RBFOX1: variants seen among roughly 807,000 people sequenced by gnomAD.
RBFOX1 encodes RNA binding fox-1 homolog 1.
A neutral mutation model predicts 57.7 loss-of-function variants in RBFOX1; 8 were observed. The ratio of observed to expected loss-of-function variants is 0.14; its 90% CI spans 0.08 to 0.25. RBFOX1 has a LOEUF of 0.25. Ranked by LOEUF, RBFOX1 falls within the 10% of genes least tolerant of loss-of-function variation. RBFOX1 has a pLI of 1.00. For synonymous variants in RBFOX1, 326 were observed against 222.4 expected (o/e 1.47, Z -4.15); for missense variants, 611 against 548.5 (o/e 1.11, Z -1.14).
chr16:6,737,955 A>G (rs2070868591), intron 3 of RBFOX1, among the ~76,000 whole-genome samples: 1 of 152,144 alleles, frequency 6.6e-6, no homozygotes, highest in African/African-American at 2.4e-5. Context: ...TTCCCAGCAC[A>G]ATGCTTGAGC....
intron 3 of RBFOX1, among the ~76,000 whole-genome samples, chr16:6,997,427 G>A (rs1316196672): frequency 6.6e-6 from 1 of 152,154 alleles, no homozygotes; most frequent in East Asian, 1.9e-4. Context: ...TGCTTGATCA[G>A]AGTTCATTTA....
intron 3 of RBFOX1, among the ~76,000 whole-genome samples, chr16:6,661,150 C>T (rs1937820774): frequency 6.6e-6 from 1 of 152,154 alleles, no homozygotes; most frequent in Admixed American, 6.5e-5. Flanking sequence ...CTGAATTTTC[C>T]TGTAATACCA....
intron 4 of RBFOX1, among the ~76,000 whole-genome samples, chr16:7,415,377 C>CT (rs1207574549): frequency 6.6e-6 from 1 of 152,286 alleles, no homozygotes; most frequent in Admixed American, 6.5e-5. Flanking sequence ...TAGAGGGTAG[C>CT]TCTGAGCCAG....
At chr16:6,537,728 T>C (rs1402202028) in intron 2 of RBFOX1, among the ~76,000 whole-genome samples, 1 of 152,160 alleles carries the variant, frequency 6.6e-6, no homozygotes, top group Non-Finnish European at 1.5e-5. Flanking sequence ...TTCCTTAAGG[T>C]TTTATAGCAG....
intron 1 of RBFOX1, among the ~76,000 whole-genome samples, chr16:5,284,101 T>G (rs1288184251): frequency 1.3e-5 from 2 of 151,988 alleles, no homozygotes; most frequent in Non-Finnish European, 2.9e-5. Flanking sequence ...AAGGGTAGTT[T>G]CCCTGCAGAA....
intron 1 of RBFOX1, among the ~76,000 whole-genome samples, chr16:6,246,783 T>C (rs143666513): frequency 5.5e-4 from 84 of 152,258 alleles, no homozygotes; most frequent in Middle Eastern, 3.4e-3. Flanking sequence ...TCCAGTCCAT[T>C]GTAGGCTGGG....
intron 3 of RBFOX1, among the ~76,000 whole-genome samples, chr16:6,680,270 CTCTCT>C (rs1201356716): frequency 2.8e-4 from 32 of 112,370 alleles, no homozygotes; most frequent in South Asian, 2.8e-3. Flanking sequence ...GCTTTTCTCT[CTCTCT>C]TTTTTTTTTT....
At chr16:5,343,741 A>G (rs1020215143) in intron 1 of RBFOX1, among the ~76,000 whole-genome samples, 1 of 152,236 alleles carries the variant, frequency 6.6e-6, no homozygotes, top group African/African-American at 2.4e-5. Context: ...CTATGTCCGT[A>G]TGTAACAATA....
intron 3 of RBFOX1, among the ~76,000 whole-genome samples, chr16:6,882,701 T>C (rs1603636207): frequency 6.6e-6 from 1 of 152,144 alleles, no homozygotes; most frequent in Admixed American, 6.5e-5. Flanking sequence ...ACCATTCAGT[T>C]TGGGATATTT....
chr16:6,881,283 G>T (rs1265527193), intron 3 of RBFOX1, among the ~76,000 whole-genome samples: 2 of 152,174 alleles, frequency 1.3e-5, no homozygotes, highest in Non-Finnish European at 2.9e-5. Flanking sequence ...GCAAAGGAAG[G>T]GGTAAAACCT....
intron 1 of RBFOX1, among the ~76,000 whole-genome samples, chr16:5,331,127 T>A (rs1190966268): frequency 1.3e-5 from 2 of 152,008 alleles, no homozygotes; most frequent in Non-Finnish European, 2.9e-5. Flanking sequence ...CCATGGAGCA[T>A]TTTTGGTCCG....
intron 2 of RBFOX1, among the ~76,000 whole-genome samples, chr16:6,568,854 C>T (rs1005712841): frequency 6.6e-5 from 10 of 152,086 alleles, no homozygotes; most frequent in East Asian, 3.9e-4. Flanking sequence ...CTGCAACCTC[C>T]GCCTCCTGGG....
chr16:7,047,214 C>G lies in RBFOX1; in HGVS notation c.-15-4843C>G, dbSNP rs76867153. ...CCTATTTCCTTTATCTGGAAAACTT[C>G]CTATAGCGATTATTTTAGGGCAGGT... On this transcript the variant is annotated intron_variant, in intron 3 of 15. Transcript: ENST00000550418. 5.0e-3 allele frequency among the ~76,000 whole-genome samples: 754 copies of G among 152,160 alleles called. 17 individuals carry two copies. In the East Asian group the frequency reaches 0.082, roughly 17 times the overall value.
At chr16:5,570,764 C>G (rs565241512) in intron 2 of RBFOX1, among the ~76,000 whole-genome samples, 1 of 150,158 alleles carries the variant, frequency 6.7e-6, no homozygotes, top group South Asian at 2.1e-4. Context: ...TGCTTGAACC[C>G]GGGAGATCGA....
At chr16:6,213,707 G>T (rs1231142635) in intron 1 of RBFOX1, among the ~76,000 whole-genome samples, 1 of 152,188 alleles carries the variant, frequency 6.6e-6, no homozygotes, top group Non-Finnish European at 1.5e-5. Flanking sequence ...CTGTGCTTAA[G>T]AGCAAAGCTG....
chr16:6,189,556 C>A (rs1208914495), intron 1 of RBFOX1, among the ~76,000 whole-genome samples: 1 of 152,192 alleles, frequency 6.6e-6, no homozygotes, highest in African/African-American at 2.4e-5. Flanking sequence ...ACTCAAACCA[C>A]AGGGACGTGG....
intron 4 of RBFOX1, among the ~76,000 whole-genome samples, chr16:7,085,997 T>G (rs954853679): frequency 6.6e-6 from 1 of 152,124 alleles, no homozygotes; most frequent in African/African-American, 2.4e-5. Flanking sequence ...ACTTGTCAGT[T>G]GAGGGCTGTG....
intron 2 of RBFOX1, among the ~76,000 whole-genome samples, chr16:6,580,873 T>A (rs2097527628): frequency 6.6e-6 from 1 of 151,064 alleles, no homozygotes; most frequent in Non-Finnish European, 1.5e-5. Flanking sequence ...AACTCAATTT[T>A]TCCAGAAAGA....
chr16:6,930,308 A>G (rs1323749097), intron 3 of RBFOX1, among the ~76,000 whole-genome samples: 9 of 152,186 alleles, frequency 5.9e-5, no homozygotes, highest in African/African-American at 1.7e-4. Context: ...ACAAATGGCC[A>G]ATATGCACAT....
Sources: allele counts gnomAD v4.1 joint callset (sites outside exome capture counted in the v4.1 genomes callset), GRCh38; gene constraint gnomAD v4.1.1; transcripts MANE v1.5; gene names NCBI Gene and HGNC (gene_info 2026-07-23, HGNC 2026-07-21).